Variants in AASDH observed in about 807,000 individuals in gnomAD.
AASDH encodes the protein beta-alanine-activating enzyme.
A neutral mutation model predicts 102.3 loss-of-function variants in AASDH; 81 were observed. The observed-to-expected ratio is 0.79, with a 90% confidence interval of 0.66 to 0.95. The LOEUF (loss-of-function observed/expected upper bound fraction) is 0.95. Ranked by LOEUF, AASDH falls within the 40% of genes least tolerant of loss-of-function variation. The probability of loss-of-function intolerance (pLI) is 0.00; values close to 1 mark genes in which losing one functional copy is unlikely to be tolerated. For missense variants in AASDH, 1,203 were observed against 1,266.2 expected, an observed-to-expected ratio of 0.95 and a Z score of 0.76; for synonymous variants, 398 against 454.0, an observed-to-expected ratio of 0.88 and a Z score of 1.57.
chr4:56,382,372 T>C, intron 3 of AASDH, 105 bp downstream of exon 3: 2 of 1,156,110 alleles, frequency 1.7e-6, no homozygotes, highest in South Asian at 1.5e-5. Flanking sequence ...CTGAGAAACC[T>C]TGCCACATTT....
rs147133663 is a variant in AASDH, at chr4:56,349,510, C to G, written c.2241G>C (p.Ala747=). Residue 747 remains alanine, a synonymous_variant, in exon 11 of 15, where the codon GCG becomes GCC. Transcript: ENST00000205214. ...VAKVSEEGKP[A]IGTQKMELHV... is the part of the protein sequence containing the mutation. Reference sequence around the variant, plus strand: ...GTAACTCCATTTTCTGAGTCCCTATCGCAGGTTTCCCCTCTTCAGAAACTT... The same window carrying G: ...GTAACTCCATTTTCTGAGTCCCTATGGCAGGTTTCCCCTCTTCAGAAACTT... 6.2e-7 allele frequency: 1 copy of G among 1,614,188 alleles called. No homozygotes were observed. Among genetic ancestry groups the G allele is most frequent in the South Asian group, 1.1e-5 (1 of 91,074 alleles).
At chr4:56,375,159 A>G (rs1000687842) in intron 4 of AASDH, among the ~76,000 whole-genome samples, 2 of 151,848 alleles carry the variant, frequency 1.3e-5, no homozygotes, top group Non-Finnish European at 2.9e-5. Flanking sequence ...GTTCAATCAC[A>G]GTTCACTGCA....
chr4:56,339,000 T>C (rs1438751716), intron 14 of AASDH, among the ~76,000 whole-genome samples: 1 of 152,162 alleles, frequency 6.6e-6, no homozygotes, highest in Non-Finnish European at 1.5e-5. Flanking sequence ...AGACAAAATA[T>C]ACTGGAGTGT....
chr4:56,345,652 G>A (rs1312866865), intron 11 of AASDH, among the ~76,000 whole-genome samples: 1 of 152,212 alleles, frequency 6.6e-6, no homozygotes, highest in Non-Finnish European at 1.5e-5. Context: ...AAATCACCCA[G>A]TGTTGCTAAG....
intron 5 of AASDH, among the ~76,000 whole-genome samples, chr4:56,361,349 C>G (rs1215459056): frequency 6.6e-6 from 1 of 151,890 alleles, no homozygotes; most frequent in South Asian, 2.1e-4. Context: ...GTGGAGGTTG[C>G]GGTGAGCTGA....
chr4:56,369,593 G>T (rs55890437), intron 5 of AASDH, among the ~76,000 whole-genome samples: 1 of 151,926 alleles, frequency 6.6e-6, no homozygotes, highest in Non-Finnish European at 1.5e-5. Flanking sequence ...CTCAATTCTC[G>T]TTACCCTGGA....
intron 5 of AASDH, among the ~76,000 whole-genome samples, chr4:56,358,015 C>A (rs1749819374): frequency 6.6e-6 from 1 of 152,026 alleles, no homozygotes. Flanking sequence ...TTTCTATCAA[C>A]AATGCTTTAT....
At chr4:56,377,851 C>G (rs1164528729) in intron 4 of AASDH, among the ~76,000 whole-genome samples, 1 of 152,170 alleles carries the variant, frequency 6.6e-6, no homozygotes, top group Non-Finnish European at 1.5e-5. Flanking sequence ...GTCACTCAGG[C>G]TGGAGTGCAG....
intron 5 of AASDH, among the ~76,000 whole-genome samples, chr4:56,363,784 G>C (rs1208178607): frequency 6.6e-6 from 1 of 152,106 alleles, no homozygotes; most frequent in Non-Finnish European, 1.5e-5. Flanking sequence ...AAACAGAGCA[G>C]AAAAACGGGA....
intron 4 of AASDH, among the ~76,000 whole-genome samples, chr4:56,376,772 G>A (rs13129188): frequency 0.36 from 54,423 of 152,022 alleles, 10,245 homozygotes; most frequent in Non-Finnish European, 0.43. Context: ...AAAATATATT[G>A]TTAAAATTAA....
At chr4:56,384,415 C>T in intron 1 of AASDH, 74 bp from the exon 2 acceptor site, 1 of 678,650 alleles carries the variant, frequency 1.5e-6, no homozygotes, top group Non-Finnish European at 2.5e-6. Context: ...AAAAACTTCT[C>T]TACAATAATA....
At chr4:56,353,014 T>A (rs1749180685) in intron 9 of AASDH, among the ~76,000 whole-genome samples, 1 of 152,110 alleles carries the variant, frequency 6.6e-6, no homozygotes, top group Non-Finnish European at 1.5e-5. Flanking sequence ...AACCTCTTTT[T>A]TTTTTTTTAG....
intron 4 of AASDH, among the ~76,000 whole-genome samples, chr4:56,377,831 G>A (rs998287543): frequency 2.0e-5 from 3 of 152,070 alleles, no homozygotes; most frequent in Non-Finnish European, 2.9e-5. Context: ...TTTTGAGACA[G>A]TCTCACTCTG....
intron 14 of AASDH, among the ~76,000 whole-genome samples, chr4:56,342,556 ATGTT>A (rs1172484145): frequency 6.6e-6 from 1 of 152,100 alleles, no homozygotes. Context: ...AAGTGTAACA[ATGTT>A]TGGGTAGAAA....
intron 5 of AASDH, among the ~76,000 whole-genome samples, chr4:56,368,808 G>C (rs115789639): frequency 0.016 from 2,377 of 149,906 alleles, 76 homozygotes; most frequent in African/African-American, 0.055. Context: ...AACATGGATG[G>C]CACATGTATA....
At chr4:56,351,083 A>C (rs1031036364) in intron 10 of AASDH, among the ~76,000 whole-genome samples, 10 of 152,234 alleles carry the variant, frequency 6.6e-5, no homozygotes, top group Non-Finnish European at 1.2e-4. Flanking sequence ...AGTTATGTCA[A>C]AACAGGCTTT....
chr4:56,381,646 T>G (rs1379500323), intron 3 of AASDH: 1 of 52,370 alleles, frequency 1.9e-5, no homozygotes, highest in Non-Finnish European at 3.9e-5. Flanking sequence ...TTCTTGACAC[T>G]TCTCACACAC....
Position 56,349,452 on chromosome 4 carries a change from C to T in AASDH, c.2299G>A (p.Val767Ile). ...VRWRSDTGKC[V>I]DASPLVVIPT... ...ATTACAACCAGCGGTGAAGCATCTA[C>T]ACATTTGCCTGTGTCTGACCTCCAC... Residue 767 changes from valine (V) to isoleucine (I), a missense_variant, in exon 11 of 15, where the codon GTA (valine) becomes ATA (isoleucine). Physicochemically the swap from Val to Ile is conservative, Grantham distance 29 (BLOSUM62 3). Coordinates refer to ENST00000205214, the MANE Select transcript of AASDH (RefSeq NM_181806.4). 6.2e-7 allele frequency: 1 copy of T among 1,614,206 alleles called. No individual in the cohort carries two copies. Among genetic ancestry groups the T allele is most frequent in the Non-Finnish European group, 8.5e-7 (1 of 1,180,036 alleles).
chr4:56,363,869 A>G (rs1229826089), intron 5 of AASDH, among the ~76,000 whole-genome samples: 4 of 152,210 alleles, frequency 2.6e-5, no homozygotes, highest in African/African-American at 7.2e-5. Context: ...AAAGCTGGAC[A>G]GAGAATGACT....
Sources: allele counts gnomAD v4.1 joint callset (sites outside exome capture counted in the v4.1 genomes callset), GRCh38; gene constraint gnomAD v4.1.1; transcripts MANE v1.5; gene names NCBI Gene and HGNC (gene_info 2026-07-23, HGNC 2026-07-21).